Variants in BDNF observed in about 807,000 individuals in gnomAD.
BDNF encodes the protein brain derived neurotrophic factor.
Under a neutral mutation model 19.5 loss-of-function variants are expected in BDNF, and 1 was observed. The ratio of observed to expected loss-of-function variants is 0.05; its 90% confidence interval spans 0.02 to 0.24. BDNF has a LOEUF of 0.24. Ranked by LOEUF, BDNF falls within the 10% of genes least tolerant of loss-of-function variation. The pLI is 1.00. For missense variants in BDNF, 195 were observed against 317.6 expected, an observed-to-expected ratio of 0.61 and a Z score of 2.93; for synonymous variants, 100 against 121.6, an observed-to-expected ratio of 0.82 and a Z score of 1.17.
At position 27,721,554 on chromosome 11, in the gene BDNF, C is replaced by G. The variant is rs547452704; in HGVS notation, c.-140G>C. On this transcript the variant is annotated 5_prime_UTR_variant, in exon 1 of 2. Coordinates refer to the BDNF transcript ENST00000314915. ...GTGGATCGCCCACCACTTGGTGTGACTTATGAATCTAATAACCCTTTGCAA... is the reference window on the plus strand; with the variant it reads ...GTGGATCGCCCACCACTTGGTGTGAGTTATGAATCTAATAACCCTTTGCAA... The G allele has an allele frequency of 4.5e-6, 4 of 880,832 alleles. No homozygotes were observed. The African/African-American group carries it at 6.6e-5, about 14-fold the overall frequency. The allele number at this position is 880,832 out of a possible 1,614,324, so 54.6% of individuals were successfully genotyped here. A position where few individuals can be genotyped will look rare whatever the true frequency, so the allele number is the denominator to read the frequency against.
chr11:27,718,931 A>G (rs967237018), intron 1 of BDNF, among the ~76,000 whole-genome samples: 1 of 152,028 alleles, frequency 6.6e-6, no homozygotes, highest in Admixed American at 6.5e-5. Context: ...GGAGTCCAGA[A>G]CGACCAAACC....
chr11:27,673,952 G>A, intron 1 of BDNF: 1 of 1,298,722 alleles, frequency 7.7e-7, no homozygotes, highest in Non-Finnish European at 1.0e-6. Context: ...GGAAAGGTAA[G>A]TTGCCTCTAG....
At chr11:27,718,353 C>CT in intron 1 of BDNF, among the ~76,000 whole-genome samples, 4 of 129,816 alleles carry the variant, frequency 3.1e-5, no homozygotes, top group African/African-American at 5.2e-5. Context: ...TTCCGCACAC[C>CT]ACCCCCCCCC....
chr11:27,673,401 A>G (rs901882279), intron 1 of BDNF, among the ~76,000 whole-genome samples: 4 of 152,226 alleles, frequency 2.6e-5, no homozygotes, highest in Non-Finnish European at 5.9e-5. Flanking sequence ...CAGAACAATC[A>G]CACATTTTTA....
chr11:27,714,994 A>C (rs1860461315), intron 1 of BDNF, among the ~76,000 whole-genome samples: 1 of 152,212 alleles, frequency 6.6e-6, no homozygotes, highest in South Asian at 2.1e-4. Context: ...GCAAATAAAG[A>C]GACCAGTCTT....
At chr11:27,711,110 G>A (rs1175321586) in intron 1 of BDNF, among the ~76,000 whole-genome samples, 2 of 152,170 alleles carry the variant, frequency 1.3e-5, no homozygotes, top group African/African-American at 4.8e-5. Flanking sequence ...ACAGACCTAG[G>A]TTTGAACCCA....
intron 1 of BDNF, among the ~76,000 whole-genome samples, chr11:27,680,339 A>G (rs1367314637): frequency 6.6e-6 from 1 of 152,248 alleles, no homozygotes; most frequent in Non-Finnish European, 1.5e-5. Flanking sequence ...TTTTTGTTCA[A>G]TAAAGATCAT....
chr11:27,716,594 G>C (rs1360951003), intron 1 of BDNF, among the ~76,000 whole-genome samples: 1 of 152,150 alleles, frequency 6.6e-6, no homozygotes, highest in East Asian at 1.9e-4. Context: ...ATTATCCATA[G>C]AGTGAAAAGA....
upstream of BDNF, among the ~76,000 whole-genome samples, chr11:27,703,740 A>G (rs745918165): frequency 2.6e-5 from 4 of 152,214 alleles, no homozygotes; most frequent in Non-Finnish European, 5.9e-5. Flanking sequence ...GGATATTTAG[A>G]AAGAAAAGAA....
Position 27,700,379 on chromosome 11 carries a change from G to A in BDNF, c.-237C>T, listed in dbSNP as rs1306340375. 2 of 985,808 alleles carry A rather than the reference G, an allele frequency of 2.0e-6. No individual in the cohort carries two copies. The highest frequency in any genetic ancestry group is 2.4e-6 in the Non-Finnish European group (2 of 830,070). 61.1% of individuals were successfully genotyped at this position (985,808 alleles called of 1,614,324 possible). ...GGCCCGGGAGCCCGAGGCGCTACGG[G>A]GTGCGCGGGACAGCGAGCGGGCGGG... On this transcript the variant is annotated 5_prime_UTR_variant, in exon 1 of 2. Coordinates refer to ENST00000356660, the MANE Select transcript of BDNF (RefSeq NM_001709.5).
In BDNF at chr11:27,657,258, CACAAA is replaced by C. The variant is rs938144283; in HGVS notation, c.*558_*562del. On this transcript the variant is annotated 3_prime_UTR_variant, in exon 2 of 2. Transcript: ENST00000356660. The surrounding 1 kb of genome is among the most constrained non-coding windows in gnomAD (Gnocchi z 5.0). ...ACAAAACAAACAAACGAAAAAAAAA[CACAAA>C]ACAAACAAAAATATACCCCCCATCC... 23 of 985,048 alleles carry C rather than the reference CACAAA, an allele frequency of 2.3e-5. No individual in the cohort carries two copies. Among genetic ancestry groups the C allele is most frequent in the Non-Finnish European group, 2.7e-5 (22 of 829,428 alleles). The allele number at this position is 985,048 out of a possible 1,614,324, so 61.0% of individuals were successfully genotyped here.
At chr11:27,682,777 G>A (rs1399910855) in intron 1 of BDNF, among the ~76,000 whole-genome samples, 4 of 152,034 alleles carry the variant, frequency 2.6e-5, no homozygotes, top group Non-Finnish European at 5.9e-5. Flanking sequence ...CATGGTGTAT[G>A]TGTGTCACAT....
At chr11:27,682,457 G>A (rs573032280) in intron 1 of BDNF, among the ~76,000 whole-genome samples, 3 of 151,590 alleles carry the variant, frequency 2.0e-5, no homozygotes, top group South Asian at 2.1e-4. Flanking sequence ...TGTGCAGAAC[G>A]TGCAGGTTTG....
At chr11:27,659,314 C>G (rs1853015819) in intron 1 of BDNF, 2 of 999,938 alleles carry the variant, frequency 2.0e-6, no homozygotes, top group Admixed American at 6.1e-5. Flanking sequence ...TTCCACTGTT[C>G]TTTATTCTAC....
chr11:27,673,248 CAAAA>C (rs376465673), intron 1 of BDNF, among the ~76,000 whole-genome samples: 2 of 66,212 alleles, frequency 3.0e-5, no homozygotes, highest in Non-Finnish European at 3.9e-5. Context: ...ATGCTGTGTA[CAAAA>C]AAAAAAAAAA....
At chr11:27,695,768 C>T (rs563701839) in intron 1 of BDNF, among the ~76,000 whole-genome samples, 10 of 151,906 alleles carry the variant, frequency 6.6e-5, no homozygotes, top group African/African-American at 2.4e-4. Flanking sequence ...TTAATGCAAC[C>T]CATCCTCAAA....
rs1406228419 is a variant in BDNF, at chr11:27,699,773, C to A, written c.-22+391G>T. 3 of 1,153,376 alleles carry A rather than the reference C, an allele frequency of 2.6e-6. No homozygotes were observed. In the African/African-American group the frequency reaches 4.7e-5, roughly 18 times the overall value. 71.4% of individuals were successfully genotyped at this position (1,153,376 alleles called of 1,614,324 possible). A position where few individuals can be genotyped will look rare whatever the true frequency, so the allele number is the denominator to read the frequency against. Reference sequence around the variant, plus strand: ...CCCCCTGGAAGGATTCCTAGCCTAGCCCCAGCACCCTCCCCTCAGTCAGGA... The same window carrying A: ...CCCCCTGGAAGGATTCCTAGCCTAGACCCAGCACCCTCCCCTCAGTCAGGA... On this transcript the variant is annotated intron_variant, in intron 1 of 1. Transcript: ENST00000356660.
intron 1 of BDNF, among the ~76,000 whole-genome samples, chr11:27,686,497 G>T (rs1457948929): frequency 1.3e-5 from 2 of 152,128 alleles, no homozygotes; most frequent in Non-Finnish European, 2.9e-5. Context: ...TAGTTTCAAT[G>T]GTCTTTACAA....
At chr11:27,699,373 C>T in intron 1 of BDNF, 1 of 1,612,732 alleles carries the variant, frequency 6.2e-7, no homozygotes. Context: ...CCAGGAGTAA[C>T]TCACTCACCC....
Sources: allele counts gnomAD v4.1 joint callset (sites outside exome capture counted in the v4.1 genomes callset), GRCh38; gene constraint gnomAD v4.1.1; non-coding constraint Gnocchi (gnomAD v3.1); transcripts MANE v1.5; gene names NCBI Gene and HGNC (gene_info 2026-07-23, HGNC 2026-07-21).